Variants in USP42 observed in about 807,000 individuals in gnomAD.
USP42 encodes ubiquitin carboxyl-terminal hydrolase 42.
USP42 carries 23 observed loss-of-function variants against 113.0 expected under a neutral mutation model. The observed-to-expected ratio is 0.20, with a 90% CI of 0.15 to 0.29. The LOEUF (loss-of-function observed/expected upper bound fraction) is 0.29, where lower values mean the gene tolerates loss of function less well. USP42 is among the 10% of genes least tolerant of loss of function. The probability of loss-of-function intolerance (pLI) is 1.00; values close to 1 mark genes in which losing one functional copy is unlikely to be tolerated. For missense variants in USP42, 2,174 were observed against 1,779.8 expected (o/e 1.22, Z -3.99); for synonymous variants, 933 against 699.0 (o/e 1.33, Z -5.28).
intron 1 of USP42, among the ~76,000 whole-genome samples, chr7:6,108,845 T>C (rs1237087393): frequency 2.0e-5 from 3 of 152,228 alleles, no homozygotes; most frequent in South Asian, 2.1e-4. Context: ...TCAAATGATA[T>C]ACTGTATGTT....
chr7:6,120,117 A>G (rs771053737), intron 3 of USP42, among the ~76,000 whole-genome samples: 15 of 152,092 alleles, frequency 9.9e-5, no homozygotes, highest in Non-Finnish European at 1.3e-4. Context: ...GGTGCCTGCC[A>G]CCACGCCGGC....
At chr7:6,122,803 TA>T (rs1183363742) in intron 3 of USP42, among the ~76,000 whole-genome samples, 1 of 150,976 alleles carries the variant, frequency 6.6e-6, no homozygotes, top group Non-Finnish European at 1.5e-5. Context: ...AGGGTCTCAC[TA>T]AGTTGCTCAG....
At chr7:6,120,956 G>A (rs1343429340) in intron 3 of USP42, among the ~76,000 whole-genome samples, 1 of 151,640 alleles carries the variant, frequency 6.6e-6, no homozygotes, top group East Asian at 1.9e-4. Context: ...ATTGTTTATT[G>A]CTAGCATATA....
At chr7:6,143,270 A>G (rs1781529305) in intron 8 of USP42, among the ~76,000 whole-genome samples, 1 of 152,076 alleles carries the variant, frequency 6.6e-6, no homozygotes. Flanking sequence ...GGAGAGAGGT[A>G]AAATTGTCTT....
At position 6,153,886 on chromosome 7, in the gene USP42, C is replaced by T. The variant is rs747459546; in HGVS notation, c.2332C>T (p.Pro778Ser). 3.2e-6 allele frequency: 5 copies of T among 1,574,092 alleles called. No homozygotes were observed. The East Asian group carries it at 7.1e-5, about 22-fold the overall frequency. Residue 778 changes from proline (P) to serine (S), a missense_variant, in exon 15 of 18, where the codon CCC (proline) becomes TCC (serine). Coordinates refer to ENST00000306177, the MANE Select transcript of USP42 (RefSeq NM_032172.3). The part of the protein sequence containing the change: ...GLSSTKKAPP[P>S]RDPGTPATKE... ...CAGCAGCACCAAGAAGGCTCCGCCG[C>T]CCCGCGATCCCGGCACCCCCGCTAC...
chr7:6,089,307 G>C, the USP42 span, among the ~76,000 whole-genome samples: 1 of 149,914 alleles, frequency 6.7e-6, no homozygotes, highest in Non-Finnish European at 1.5e-5. Context: ...ACCCACCTTG[G>C]CCTCCCAAAG....
At chr7:6,093,702 C>T in the USP42 span, among the ~76,000 whole-genome samples, 1 of 149,346 alleles carries the variant, frequency 6.7e-6, no homozygotes, top group Non-Finnish European at 1.5e-5. Flanking sequence ...CTCTCCCCCT[C>T]CCTTCTTTAC....
intron 3 of USP42, among the ~76,000 whole-genome samples, chr7:6,123,209 T>C (rs1348269907): frequency 6.6e-6 from 1 of 152,158 alleles, no homozygotes; most frequent in Non-Finnish European, 1.5e-5. Context: ...TGCTCTGAAA[T>C]CTACTTCATC....
chr7:6,150,171 G>A lies in USP42; in HGVS notation c.1975G>A (p.Gly659Ser), dbSNP rs2128516182. 4.3e-6 allele frequency: 7 copies of A among 1,613,906 alleles called. No individual in the cohort carries two copies. Among genetic ancestry groups the A allele is most frequent in the Non-Finnish European group, 5.9e-6 (7 of 1,179,852 alleles). The change falls in exon 13 of 18, where the codon GGT becomes AGT. Residue 659 changes from glycine to serine, a missense_variant. Physicochemically the swap from Gly to Ser is moderately conservative, Grantham distance 56 (BLOSUM62 0). Transcript: ENST00000306177. ...GCTTCAAGAACCCATGACCCTAAAC[G>A]GTGCTAATAGTGCAGACAGCGACAG... Reference protein sequence around the residue: ...HELQEPMTLNGANSADSDSDP... With the variant: ...HELQEPMTLNSANSADSDSDP...
chr7:6,156,820 G>A lies in USP42; in HGVS notation c.3708G>A (p.Lys1236=), dbSNP rs1320304714. Reference sequence around the variant, plus strand: ...CTGACCTCCACAGACACAAAAAAAAGAAGAAGAAAAAGAAGAGACATTCAA... The same window carrying A: ...CTGACCTCCACAGACACAAAAAAAAAAAGAAGAAAAAGAAGAGACATTCAA... ...SDADLHRHKK[K]KKKKKRHSRK... Residue 1236 remains lysine (K), a synonymous_variant, in exon 16 of 18, where the codon AAG becomes AAA. Transcript: ENST00000306177. The A allele has an allele frequency of 5.0e-6, 8 of 1,606,130 alleles. No homozygotes were observed. Among genetic ancestry groups the A allele is most frequent in the African/African-American group, 1.3e-5 (1 of 74,122 alleles).
rs77161316 is a variant in USP42 at position 6,119,468 on chromosome 7, G to A, written c.442+3945G>A. On this transcript the variant is annotated intron_variant, in intron 3 of 17. Coordinates refer to ENST00000306177, the MANE Select transcript of USP42 (RefSeq NM_032172.3). ...CCTGGGCAGCAGAGTGAGATCTTAC[G>A]TCAACCAAAATAAAAAAGTTGTTCT... Among the ~76,000 whole-genome samples, 927 of 152,182 alleles carry A rather than the reference G, an allele frequency of 6.1e-3. 8 individuals are homozygous for A. The highest frequency in any genetic ancestry group is 0.021 in the African/African-American group (889 of 41,542).
chr7:6,091,291 C>T, the USP42 span, among the ~76,000 whole-genome samples: 1 of 150,652 alleles, frequency 6.6e-6, no homozygotes, highest in African/African-American at 2.5e-5. Context: ...ATGGCAAGAT[C>T]AGAGCTCACT....
intron 3 of USP42, among the ~76,000 whole-genome samples, chr7:6,130,081 G>A (rs569759862): frequency 1.3e-5 from 2 of 152,176 alleles, no homozygotes; most frequent in East Asian, 3.9e-4. Context: ...CACCTCCTGG[G>A]CTCAAGCAGT....
At chr7:6,091,522 C>G in the USP42 span, among the ~76,000 whole-genome samples, 1 of 150,862 alleles carries the variant, frequency 6.6e-6, no homozygotes, top group East Asian at 1.9e-4. Context: ...GCCGCCATGC[C>G]CAGTGCCATA....
chr7:6,082,021 TTGTC>T, the USP42 span, among the ~76,000 whole-genome samples: 1 of 152,144 alleles, frequency 6.6e-6, no homozygotes. Context: ...CTGCGGGGAC[TTGTC>T]TGTATTACAT....
At position 6,140,980 on chromosome 7, in the gene USP42, TA is replaced by T; in HGVS notation, c.794del (p.Lys265ArgfsTer14). ...FDPYLDITLEIKAAQSVNKAL... is the reference protein window; with the variant it reads ...FDPYLDITLEXKAAQSVNKAL... Reference sequence around the variant, plus strand: ...CCATATCTTGATATAACATTGGAGATAAAGGTAAATTTCATAATTATGGGAG... The same window carrying T: ...CCATATCTTGATATAACATTGGAGATAAGGTAAATTTCATAATTATGGGAG... On this transcript the variant is annotated frameshift_variant, in exon 7 of 18. Coordinates refer to ENST00000306177, the MANE Select transcript of USP42 (RefSeq NM_032172.3). LOFTEE classifies it high-confidence loss of function. 6.7e-7 allele frequency: 1 copy of T among 1,498,296 alleles called. No individual in the cohort carries two copies. Among genetic ancestry groups the T allele is most frequent in the Non-Finnish European group, 9.1e-7 (1 of 1,098,546 alleles). The allele number at this position is 1,498,296 out of a possible 1,614,324, so 92.8% of individuals were successfully genotyped here.
At chr7:6,085,187 T>G in the USP42 span, 1 of 150,996 alleles carries the variant, frequency 6.6e-6, no homozygotes, top group Admixed American at 6.6e-5. Flanking sequence ...TGACATGATC[T>G]TCACTTACTG....
rs116425182 is a variant in USP42 at position 6,106,500 on chromosome 7, A to G, written c.-10+1468A>G. Among the ~76,000 whole-genome samples the G allele has an allele frequency of 3.5e-3, 532 of 152,338 alleles. 8 individuals carry two copies. The highest frequency in any genetic ancestry group is 0.012 in the African/African-American group (506 of 41,588). On this transcript the variant is annotated intron_variant, in intron 1 of 17. Coordinates refer to ENST00000306177, the MANE Select transcript of USP42 (RefSeq NM_032172.3). Reference sequence around the variant, plus strand: ...GAATTTTAAAGCTTTGAGTAAGACTAGTATTTAAAGCAAAGGAAACACTTG... The same window carrying G: ...GAATTTTAAAGCTTTGAGTAAGACTGGTATTTAAAGCAAAGGAAACACTTG...
Position 6,157,234 on chromosome 7 carries a change from GCA to G in USP42, c.3943+182_3943+183del, listed in dbSNP as rs1782505997. 13 of 1,399,764 alleles carry G rather than the reference GCA, an allele frequency of 9.3e-6. No individual in the cohort carries two copies. The South Asian group carries it at 1.6e-4, about 17-fold the overall frequency. The allele number at this position is 1,399,764 out of a possible 1,614,324, so 86.7% of individuals were successfully genotyped here. On this transcript the variant is annotated intron_variant, in intron 16 of 17. Coordinates refer to ENST00000306177, the MANE Select transcript of USP42 (RefSeq NM_032172.3). This position sits in a 1 kb window ranked among gnomAD's most constrained non-coding sequence, Gnocchi z 4.1. ...CTCATCCCTGCAGTGTGGTTCCGTT[GCA>G]CAGTTAAGCCCTTAGCGTTTATTGA... is the stretch of plus-strand genomic sequence containing the variant.
Sources: gnomAD v4.1 joint callset for allele counts (sites outside exome capture counted in the v4.1 genomes callset) on GRCh38, gnomAD v4.1.1 for gene constraint, Gnocchi (gnomAD v3.1) non-coding constraint, MANE v1.5 for transcripts, NCBI Gene and HGNC (gene_info 2026-07-23, HGNC 2026-07-21) for gene names.